AVEN: variants seen among roughly 807,000 people sequenced by gnomAD.
The protein encoded by AVEN is apoptosis and caspase activation inhibitor, also known as cell death regulator Aven.
Under a neutral mutation model 38.1 loss-of-function variants are expected in AVEN, and 41 were observed. The observed-to-expected ratio is 1.08, with a 90% CI of 0.84 to 1.40. The LOEUF (loss-of-function observed/expected upper bound fraction) is 1.40, where lower values mean the gene tolerates loss of function less well. Ranked by LOEUF, AVEN falls within the 40% of genes most tolerant of loss-of-function variation. The pLI is 0.00. For missense variants in AVEN, 605 were observed against 438.8 expected, an observed-to-expected ratio of 1.38 and a Z score of -3.38; for synonymous variants, 206 against 171.8, an observed-to-expected ratio of 1.20 and a Z score of -1.56.
chr15:33,911,854 A>T (rs1892930190), intron 2 of AVEN, among the ~76,000 whole-genome samples: 1 of 152,204 alleles, frequency 6.6e-6, no homozygotes, highest in African/African-American at 2.4e-5. Flanking sequence ...TTTGCTTCTG[A>T]TAGAGAGGTG....
intron 2 of AVEN, among the ~76,000 whole-genome samples, chr15:33,926,401 G>C (rs1044743760): frequency 6.6e-6 from 1 of 152,194 alleles, no homozygotes; most frequent in Non-Finnish European, 1.5e-5. Flanking sequence ...ATTAGGATTT[G>C]AGAGGCAGTG....
downstream of AVEN, chr15:33,854,477 T>C: frequency 6.5e-7 from 1 of 1,533,320 alleles, no homozygotes; most frequent in Non-Finnish European, 8.8e-7. Flanking sequence ...AAAAACAAAA[T>C]TCTATACCCC....
At chr15:34,064,450 T>A in intron 4 of AVEN, 1 of 1,130,934 alleles carries the variant, frequency 8.8e-7, no homozygotes, top group Non-Finnish European at 1.2e-6. Flanking sequence ...TTGTAAAGGC[T>A]CAAGTTTGGT....
chr15:34,043,817 A>T (rs1899579370), upstream of AVEN, among the ~76,000 whole-genome samples: 1 of 152,154 alleles, frequency 6.6e-6, no homozygotes. Flanking sequence ...AATGAAAGCA[A>T]CCAGAAAAGA....
At chr15:34,061,540 C>T (rs932643296) in intron 5 of AVEN, among the ~76,000 whole-genome samples, 1 of 152,088 alleles carries the variant, frequency 6.6e-6, no homozygotes, top group Non-Finnish European at 1.5e-5. Flanking sequence ...TTAGTATATG[C>T]ATATGGGAAA....
At chr15:33,886,270 T>A (rs1891695205) in intron 2 of AVEN, among the ~76,000 whole-genome samples, 1 of 152,192 alleles carries the variant, frequency 6.6e-6, no homozygotes, top group Admixed American at 6.5e-5. Flanking sequence ...GGTCTCCCCA[T>A]GCTATTCGCA....
chr15:34,053,408 G>A (rs576210302), intron 5 of AVEN, among the ~76,000 whole-genome samples: 181 of 148,820 alleles, frequency 1.2e-3, no homozygotes, highest in African/African-American at 3.0e-3. Context: ...TGGAGGTGTC[G>A]TGCTACCTAC....
chr15:33,860,001 G>A (rs77652266), intron 11 of AVEN, among the ~76,000 whole-genome samples: 4,944 of 152,142 alleles, frequency 0.032, 162 homozygotes, highest in Non-Finnish European at 0.039. Context: ...CCTCACTTCT[G>A]CTTCTGAGAT....
the AVEN span, chr15:33,853,448 C>G: frequency 1.5e-6 from 2 of 1,366,532 alleles, no homozygotes; most frequent in Non-Finnish European, 2.0e-6. Context: ...CTTCATCTAC[C>G]CCTTGGAAGA....
chr15:34,042,071 C>T (rs533756513), upstream of AVEN, among the ~76,000 whole-genome samples: 5 of 152,284 alleles, frequency 3.3e-5, no homozygotes, highest in African/African-American at 1.2e-4. Context: ...AACAAGGATA[C>T]GGTATATGCT....
Position 33,956,857 on chromosome 15 carries a change from AT to A in AVEN, c.445+46174del, listed in dbSNP as rs902763134. Among the ~76,000 whole-genome samples, 6 of 152,172 alleles carry A rather than the reference AT, an allele frequency of 3.9e-5. No individual in the cohort carries two copies. The South Asian group carries it at 1.2e-3, about 32-fold the overall frequency. ...ATCCTGATACGAGGTTTGAATACCA[AT>A]TTTTTTCCCAGATGGTGAACTCCAC... On this transcript the variant is annotated intron_variant, in intron 2 of 5. Coordinates refer to ENST00000306730, the MANE Select transcript of AVEN (RefSeq NM_020371.3).
downstream of AVEN, chr15:33,854,319 T>C (rs371876112): frequency 9.3e-5 from 124 of 1,329,380 alleles, 1 homozygote; most frequent in East Asian, 4.3e-4. Context: ...AAACTTACTT[T>C]TTCCCCCTTA....
chr15:33,985,453 TC>T (rs1422748767), intron 2 of AVEN, among the ~76,000 whole-genome samples: 2 of 92,830 alleles, frequency 2.2e-5, no homozygotes, highest in Non-Finnish European at 4.5e-5. Context: ...AAGAGTAAGT[TC>T]CTTGAGTAAG....
chr15:34,065,447 G>A (rs1355576726), intron 4 of AVEN: 1 of 151,982 alleles, frequency 6.6e-6, no homozygotes, highest in Non-Finnish European at 1.5e-5. Context: ...CTCCAAGCAG[G>A]GGGTTGTGGG....
chr15:34,004,309 A>G (rs930571691), intron 1 of AVEN, among the ~76,000 whole-genome samples: 1 of 152,010 alleles, frequency 6.6e-6, no homozygotes, highest in African/African-American at 2.4e-5. Flanking sequence ...GAGCATGCAG[A>G]AAGATGCACA....
chr15:33,920,817 G>A (rs1893365166), intron 2 of AVEN, among the ~76,000 whole-genome samples: 1 of 151,948 alleles, frequency 6.6e-6, no homozygotes, highest in African/African-American at 2.4e-5. Context: ...CCAGGCTGGA[G>A]TGCAGTGGTG....
chr15:33,973,719 T>G (rs1037779689), intron 2 of AVEN, among the ~76,000 whole-genome samples: 1 of 152,208 alleles, frequency 6.6e-6, no homozygotes, highest in Non-Finnish European at 1.5e-5. Context: ...AATCTATTTA[T>G]ATAGTTGTCT....
downstream of AVEN, among the ~76,000 whole-genome samples, chr15:33,863,937 A>G (rs541779002): frequency 5.3e-5 from 8 of 152,336 alleles, no homozygotes; most frequent in African/African-American, 1.7e-4. Flanking sequence ...CTCTCCTCAC[A>G]AAGTGGCTAA....
intron 2 of AVEN, among the ~76,000 whole-genome samples, chr15:33,973,975 T>G (rs1895760340): frequency 6.6e-6 from 1 of 152,220 alleles, no homozygotes; most frequent in African/African-American, 2.4e-5. Context: ...AAAAGTCTAA[T>G]GAAGGAGTCT....
Sources: gnomAD v4.1 joint callset for allele counts (sites outside exome capture counted in the v4.1 genomes callset) on GRCh38, gnomAD v4.1.1 for gene constraint, MANE v1.5 for transcripts, NCBI Gene and HGNC (gene_info 2026-07-23, HGNC 2026-07-21) for gene names.